PPM1H: variants seen among roughly 807,000 people sequenced by gnomAD.
The protein encoded by PPM1H is protein phosphatase, Mg2+/Mn2+ dependent 1H, also known as protein phosphatase 1H.
Under a neutral mutation model 54.9 loss-of-function variants are expected in PPM1H, and 27 were observed. The observed-to-expected ratio is 0.49, with a 90% CI of 0.36 to 0.68. The LOEUF is 0.68. Ranked by LOEUF, PPM1H falls within the 30% of genes least tolerant of loss-of-function variation. The pLI is 0.00. For synonymous variants in PPM1H, 305 were observed against 270.8 expected, an observed-to-expected ratio of 1.13 and a Z score of -1.24; for missense variants, 596 against 667.8, an observed-to-expected ratio of 0.89 and a Z score of 1.19.
rs767893394 is a variant in PPM1H, at chr12:62,802,016, C to A, written c.556G>T (p.Val186Phe). Reference protein sequence around the residue: ...DIVDILKNSAVLPPTCLGEEP... With the variant: ...DIVDILKNSAFLPPTCLGEEP... ...TCCCCCAGGCAGGTAGGGGGCAGGA[C>A]GGCGGAGTTCTTCAGGATGTCCACG... is the stretch of plus-strand genomic sequence containing the variant. The change falls in exon 3 of 10, where the codon GTC (valine) becomes TTC (phenylalanine). Residue 186 changes from valine to phenylalanine, a missense_variant. Physicochemically the swap from Val to Phe is conservative, Grantham distance 50. This residue lies in a region of PPM1H where 382 missense variants were observed against 387.1 expected (regional missense o/e 0.99). Transcript: ENST00000228705. 2.5e-6 allele frequency: 4 copies of A among 1,613,484 alleles called. No homozygotes were observed. The highest frequency in any genetic ancestry group is 2.2e-5 in the South Asian group (2 of 91,056).
chr12:62,850,050 C>T (rs1869121896), intron 1 of PPM1H, among the ~76,000 whole-genome samples: 1 of 152,036 alleles, frequency 6.6e-6, no homozygotes, highest in Admixed American at 6.6e-5. Flanking sequence ...GCAGCCTAAA[C>T]CTCCCAGGCT....
intron 4 of PPM1H, among the ~76,000 whole-genome samples, chr12:62,787,704 G>T (rs956230150): frequency 3.9e-5 from 6 of 152,192 alleles, no homozygotes; most frequent in Non-Finnish European, 7.3e-5. Context: ...CTTATTCCCT[G>T]GCAATGCTGG....
chr12:62,667,157 C>T (rs2075923472), intron 9 of PPM1H, 21 bp downstream of exon 9: 2 of 1,545,474 alleles, frequency 1.3e-6, no homozygotes, highest in East Asian at 2.2e-5. Context: ...AACAACCCTA[C>T]AATTGTAGAA....
chr12:62,853,720 A>T (rs1869278741), intron 1 of PPM1H, among the ~76,000 whole-genome samples: 1 of 152,178 alleles, frequency 6.6e-6, no homozygotes, highest in African/African-American at 2.4e-5. Context: ...GGAAAAACTC[A>T]TTGATAAAGG....
At chr12:62,675,236 T>C (rs1470252236) in intron 8 of PPM1H, among the ~76,000 whole-genome samples, 1 of 152,218 alleles carries the variant, frequency 6.6e-6, no homozygotes, top group Admixed American at 6.5e-5. Flanking sequence ...AAAAAGTTTC[T>C]TTCTAAACCA....
intron 4 of PPM1H, among the ~76,000 whole-genome samples, chr12:62,778,570 G>A (rs891914742): frequency 6.6e-6 from 1 of 152,068 alleles, no homozygotes; most frequent in South Asian, 2.1e-4. Flanking sequence ...TGCCTGAAAG[G>A]GACAAAGGCA....
chr12:62,796,218 C>T (rs1452571040), intron 3 of PPM1H, among the ~76,000 whole-genome samples: 1 of 152,150 alleles, frequency 6.6e-6, no homozygotes, highest in Non-Finnish European at 1.5e-5. Context: ...AGAGTTTTCC[C>T]CCACATAACC....
intron 2 of PPM1H, among the ~76,000 whole-genome samples, chr12:62,826,558 A>G (rs2120836829): frequency 6.6e-6 from 1 of 152,352 alleles, no homozygotes; most frequent in South Asian, 2.1e-4. Context: ...TACATCACTG[A>G]TGTTTCTAAC....
rs2076256280 is a variant in PPM1H, at chr12:62,720,241, A to G, written c.1003T>C (p.Phe335Leu). 1 of 1,613,688 alleles carries G rather than the reference A, an allele frequency of 6.2e-7. No individual in the cohort carries two copies. The highest frequency in any genetic ancestry group is 8.5e-7 in the Non-Finnish European group (1 of 1,179,764). Residue 335 changes from phenylalanine to leucine, a missense_variant, in exon 6 of 10, where the codon TTT becomes CTT. By Grantham distance (22) the Phe-to-Leu change is conservative (BLOSUM62 0). Transcript: ENST00000228705. ...LLGNEFTHLE[F>L]PRRVQRKELG... ...TCCTTTCTCTGTACTCTCCTTGGAA[A>G]CTCCAAATGTGTGAACTCATTTCCC...
chr12:62,723,817 C>T (rs1449742253), intron 5 of PPM1H, among the ~76,000 whole-genome samples: 1 of 152,112 alleles, frequency 6.6e-6, no homozygotes, highest in African/African-American at 2.4e-5. Context: ...CATTCCTGAG[C>T]ACATTTCTTA....
Position 62,788,257 on chromosome 12 carries a change from TC to T in PPM1H, c.837del (p.Lys280SerfsTer13). The T allele has an allele frequency of 6.3e-7, 1 of 1,599,414 alleles. No individual in the cohort carries two copies. The highest frequency in any genetic ancestry group is 8.5e-7 in the Non-Finnish European group (1 of 1,172,452). On this transcript the variant is annotated frameshift_variant, in exon 4 of 10. Transcript: ENST00000228705. LOFTEE classifies it high-confidence loss of function. ...TCCCCAGCATTTGCAACATACAGCT[TC>T]CCCAAAAGGCAAATCACAATGAGGG... ...CTALIVICLLGKLYVANAGDS... is the reference protein window; with the variant it reads ...CTALIVICLLXKLYVANAGDS...
chr12:62,696,678 AC>A (rs2076116543), intron 6 of PPM1H, among the ~76,000 whole-genome samples: 1 of 152,228 alleles, frequency 6.6e-6, no homozygotes, highest in African/African-American at 2.4e-5. Flanking sequence ...GCTATGATTT[AC>A]TGAGCATCTT....
intron 9 of PPM1H, among the ~76,000 whole-genome samples, chr12:62,663,196 A>G (rs943234363): frequency 2.6e-5 from 4 of 152,164 alleles, no homozygotes; most frequent in African/African-American, 9.7e-5. Context: ...ACGACGATGC[A>G]AGAGTTCTTC....
chr12:62,764,286 G>T (rs1156475343), intron 4 of PPM1H, among the ~76,000 whole-genome samples: 1 of 152,134 alleles, frequency 6.6e-6, no homozygotes, highest in Admixed American at 6.5e-5. Context: ...GTCCTATATT[G>T]CCAGGAGGGG....
At chr12:62,702,266 T>C (rs1270149645) in intron 6 of PPM1H, among the ~76,000 whole-genome samples, 1 of 152,230 alleles carries the variant, frequency 6.6e-6, no homozygotes, top group Non-Finnish European at 1.5e-5. Context: ...TCTATTCCTT[T>C]CTCAGTTCCT....
At chr12:62,841,266 T>C (rs1017870014) in intron 1 of PPM1H, among the ~76,000 whole-genome samples, 6 of 152,214 alleles carry the variant, frequency 3.9e-5, no homozygotes, top group African/African-American at 1.4e-4. Context: ...GCTGGCAAAC[T>C]ATTGCCCATG....
At chr12:62,775,548 A>G (rs553214872) in intron 4 of PPM1H, among the ~76,000 whole-genome samples, 13 of 152,380 alleles carry the variant, frequency 8.5e-5, no homozygotes, top group African/African-American at 3.1e-4. Context: ...AATTTACAAA[A>G]TTACTTACGC....
At chr12:62,820,403 G>T (rs190928822) in intron 2 of PPM1H, among the ~76,000 whole-genome samples, 3 of 152,330 alleles carry the variant, frequency 2.0e-5, no homozygotes, top group Admixed American at 2.0e-4. Context: ...GGTTCTCCCA[G>T]CACAGAGTTT....
intron 2 of PPM1H, among the ~76,000 whole-genome samples, chr12:62,830,491 G>A (rs372255302): frequency 1.1e-3 from 173 of 152,152 alleles, no homozygotes; most frequent in Non-Finnish European, 1.5e-3. Flanking sequence ...TCCTGACCTC[G>A]TGATCTGCCC....
Sources: gnomAD v4.1 joint callset for allele counts (sites outside exome capture counted in the v4.1 genomes callset) on GRCh38, gnomAD v4.1.1 for gene constraint, gnomAD v4.1.1 regional missense constraint, MANE v1.5 for transcripts, NCBI Gene and HGNC (gene_info 2026-07-23, HGNC 2026-07-21) for gene names.